The following RABGAP1L variants were observed in gnomAD, a reference collection of about 807,000 sequenced individuals.
RABGAP1L encodes RAB GTPase activating protein 1 like.
Under a neutral mutation model 137.7 loss-of-function variants are expected in RABGAP1L, and 63 were observed. That is an observed-to-expected ratio of 0.46 (90% CI 0.37 to 0.56). The LOEUF (loss-of-function observed/expected upper bound fraction) is 0.56. RABGAP1L is among the 20% of genes least tolerant of loss of function. The pLI, the probability that RABGAP1L is intolerant of heterozygous loss-of-function variation, is 0.00. For missense variants in RABGAP1L, 1,095 were observed against 1,244.0 expected (o/e 0.88, Z 1.80); for synonymous variants, 431 against 433.7 (o/e 0.99, Z 0.08).
chr1:174,241,088 A>G (rs1164324569), intron 4 of RABGAP1L, among the ~76,000 whole-genome samples: 2 of 152,082 alleles, frequency 1.3e-5, no homozygotes, highest in South Asian at 2.1e-4. Context: ...TGGGAGGCCA[A>G]CGCGGGGGGT....
At position 174,599,276 on chromosome 1, in the gene RABGAP1L, A is replaced by G. The variant is rs888895983; in HGVS notation, c.1711-38099A>G. 2.8e-4 allele frequency among the ~76,000 whole-genome samples: 43 copies of G among 152,190 alleles called. 1 individual carries two copies. Among genetic ancestry groups the G allele is most frequent in the Non-Finnish European group, 8.8e-5 (6 of 68,016 alleles). On this transcript the variant is annotated intron_variant, in intron 13 of 25. Transcript: ENST00000681986. ...CACTTTTTAACTTCTTGTTGTTTCT[A>G]TTTAAATCTTATTACACTATCTCTT...
At chr1:174,280,531 G>T (rs1675426619) in intron 10 of RABGAP1L, among the ~76,000 whole-genome samples, 2 of 152,182 alleles carry the variant, frequency 1.3e-5, no homozygotes. Flanking sequence ...GAGATGCCCT[G>T]TTCCCAAACT....
rs563395187 is a variant in RABGAP1L at position 174,881,559 on chromosome 1, G to A, written c.2340+69599G>A. Among the ~76,000 whole-genome samples the A allele has an allele frequency of 2.4e-4, 35 of 143,498 alleles. 1 individual carries two copies. The highest frequency in any genetic ancestry group is 8.7e-4 in the African/African-American group (33 of 38,048). 94.1% of individuals were successfully genotyped at this position (143,498 alleles called of 152,430 possible). A position where few individuals can be genotyped will look rare whatever the true frequency, so the allele number is the denominator to read the frequency against. On this transcript the variant is annotated intron_variant, in intron 19 of 25. Coordinates refer to ENST00000681986, the MANE Select transcript of RABGAP1L (RefSeq NM_001366446.1). Reference sequence around the variant, plus strand: ...CTGTCACCTAGGCTGGAGTACAGTGGCACGATTTGGGATCATTGCAACCTT... The same window carrying A: ...CTGTCACCTAGGCTGGAGTACAGTGACACGATTTGGGATCATTGCAACCTT...
At chr1:174,841,867 T>C (rs1693448584) in intron 19 of RABGAP1L, among the ~76,000 whole-genome samples, 1 of 151,998 alleles carries the variant, frequency 6.6e-6, no homozygotes. Context: ...TTTCTTTTTT[T>C]TTTTTGATAT....
chr1:174,438,746 A>ATATG (rs1490132274), intron 13 of RABGAP1L, among the ~76,000 whole-genome samples: 18 of 97,968 alleles, frequency 1.8e-4, no homozygotes, highest in Non-Finnish European at 3.0e-4. Context: ...GTGTGTGTGT[A>ATATG]TATATATATA....
intron 19 of RABGAP1L, among the ~76,000 whole-genome samples, chr1:174,846,174 C>A (rs1386043748): frequency 1.4e-4 from 21 of 150,458 alleles, no homozygotes; most frequent in African/African-American, 4.6e-4. Context: ...TTTCAAAAAA[C>A]CAGCTCCTGG....
chr1:174,427,144 A>ATG (rs57986877), intron 13 of RABGAP1L, among the ~76,000 whole-genome samples: 4,876 of 144,622 alleles, frequency 0.034, 89 homozygotes, highest in Middle Eastern at 0.086. Context: ...CCGCATGTTT[A>ATG]TGTGTGTGTG....
chr1:174,298,779 G>T (rs1677374424), intron 10 of RABGAP1L, among the ~76,000 whole-genome samples: 1 of 152,158 alleles, frequency 6.6e-6, no homozygotes, highest in Non-Finnish European at 1.5e-5. Context: ...TTTCCCAAAA[G>T]GAAACCTCTG....
intron 13 of RABGAP1L, among the ~76,000 whole-genome samples, chr1:174,456,125 A>T (rs1446134591): frequency 6.6e-6 from 1 of 152,096 alleles, no homozygotes; most frequent in East Asian, 1.9e-4. Flanking sequence ...ATTATTTTAA[A>T]ATTAACTTTA....
chr1:174,256,371 C>T (rs1296500935), intron 7 of RABGAP1L, among the ~76,000 whole-genome samples: 1 of 151,962 alleles, frequency 6.6e-6, no homozygotes, highest in East Asian at 1.9e-4. Flanking sequence ...GCCATCTGTC[C>T]CTTGATGATG....
intron 19 of RABGAP1L, among the ~76,000 whole-genome samples, chr1:174,911,589 CA>C (rs1660063401): frequency 6.6e-6 from 1 of 152,110 alleles, no homozygotes; most frequent in South Asian, 2.1e-4. Flanking sequence ...TATTAAATTT[CA>C]AGGTGTTAAA....
rs930673882 is a variant in RABGAP1L, at chr1:174,250,469, T to C, written c.718-6T>C. On this transcript the variant is annotated splice_polypyrimidine_tract_variant and splice_region_variant and intron_variant, in intron 5 of 25. Coordinates refer to ENST00000681986, the MANE Select transcript of RABGAP1L (RefSeq NM_001366446.1). ...CCTAATGGTATTTCCTTTTTTATTC[T>C]TTTAGGTAAGCAGAATTTTGTACAG... 23 of 1,600,998 alleles carry C rather than the reference T, an allele frequency of 1.4e-5. No individual in the cohort carries two copies. The highest frequency in any genetic ancestry group is 1.9e-5 in the Non-Finnish European group (22 of 1,172,468).
chr1:174,211,715 G>T (rs1381870951), intron 1 of RABGAP1L, among the ~76,000 whole-genome samples: 1 of 152,058 alleles, frequency 6.6e-6, no homozygotes, highest in African/African-American at 2.4e-5. Context: ...AAGACCCACT[G>T]ATCTGTTGCC....
intron 13 of RABGAP1L, among the ~76,000 whole-genome samples, chr1:174,527,901 C>CTTTTTTTTTTTTTTTTT (rs57707616): frequency 6.4e-5 from 8 of 124,840 alleles, no homozygotes; most frequent in African/African-American, 1.3e-4. Flanking sequence ...ATATACTTGT[C>CTTTTTTTTTTTTTTTTT]TTTTTTTTTT....
chr1:174,215,067 G>A (rs972618381), intron 1 of RABGAP1L, among the ~76,000 whole-genome samples: 8 of 152,144 alleles, frequency 5.3e-5, no homozygotes, highest in African/African-American at 1.9e-4. Context: ...CAGAATGGGA[G>A]AAAATATTTT....
chr1:174,973,207 T>C (rs1057150093), intron 21 of RABGAP1L, among the ~76,000 whole-genome samples: 1 of 152,176 alleles, frequency 6.6e-6, no homozygotes, highest in Non-Finnish European at 1.5e-5. Context: ...GCAGATGTTG[T>C]ATATGGTAAC....
chr1:174,393,907 T>A (rs1647488358), intron 12 of RABGAP1L, 88 bp from the exon 13 acceptor site: 1 of 1,449,922 alleles, frequency 6.9e-7, no homozygotes, highest in Admixed American at 2.2e-5. Context: ...AAGCTTACAC[T>A]TTTATATAAA....
chr1:174,651,683 G>C (rs1012194373), intron 14 of RABGAP1L, among the ~76,000 whole-genome samples: 1 of 151,962 alleles, frequency 6.6e-6, no homozygotes, highest in Admixed American at 6.6e-5. Flanking sequence ...TTTTCCATTT[G>C]CTTGGTAGAT....
intron 21 of RABGAP1L, among the ~76,000 whole-genome samples, chr1:174,969,705 G>T (rs1313242025): frequency 1.3e-5 from 2 of 152,186 alleles, no homozygotes; most frequent in Non-Finnish European, 2.9e-5. Context: ...CTGTACTAAT[G>T]CCACTCTAAC....
Sources: allele counts gnomAD v4.1 joint callset (sites outside exome capture counted in the v4.1 genomes callset), GRCh38; gene constraint gnomAD v4.1.1; transcripts MANE v1.5; gene names NCBI Gene and HGNC (gene_info 2026-07-23, HGNC 2026-07-21).